APLF: variants seen among roughly 807,000 people sequenced by gnomAD.
APLF encodes the protein aprataxin and PNKP like factor, also known as aprataxin and PNK-like factor.
Under a neutral mutation model 55.6 loss-of-function variants are expected in APLF, and 61 were observed. The ratio of observed to expected loss-of-function variants is 1.10; its 90% CI spans 0.89 to 1.36. APLF has a LOEUF of 1.36. Ranked by LOEUF, APLF falls within the 40% of genes most tolerant of loss-of-function variation. APLF has a pLI of 0.00. For synonymous variants in APLF, 207 were observed against 214.8 expected (o/e 0.96, Z 0.32); for missense variants, 611 against 602.5 (o/e 1.01, Z -0.15).
At chr2:68,572,219 TTATA>T (rs1406748153) in intron 9 of APLF, among the ~76,000 whole-genome samples, 1 of 152,030 alleles carries the variant, frequency 6.6e-6, no homozygotes, top group Non-Finnish European at 1.5e-5. Flanking sequence ...GAAATGAACT[TTATA>T]TATAATAAAG....
chr2:68,479,441 C>G (rs566667586), intron 1 of APLF, among the ~76,000 whole-genome samples: 36 of 152,244 alleles, frequency 2.4e-4, no homozygotes, highest in Middle Eastern at 3.4e-3. Context: ...TGAAGGATTT[C>G]AAGGTATAGA....
chr2:68,548,125 C>T (rs1326178117), intron 8 of APLF, among the ~76,000 whole-genome samples: 3 of 151,690 alleles, frequency 2.0e-5, no homozygotes, highest in Middle Eastern at 3.4e-3. Flanking sequence ...TCTTCTCTAA[C>T]GTAATTAAAA....
At chr2:68,547,260 G>T (rs1234157139) in intron 8 of APLF, among the ~76,000 whole-genome samples, 1 of 151,686 alleles carries the variant, frequency 6.6e-6, no homozygotes, top group Non-Finnish European at 1.5e-5. Context: ...TAATTATGAA[G>T]ATCAAAATGT....
At chr2:68,541,819 G>A (rs1479773061) in intron 7 of APLF, among the ~76,000 whole-genome samples, 1 of 152,092 alleles carries the variant, frequency 6.6e-6, no homozygotes, top group East Asian at 1.9e-4. Context: ...AATCATGTGG[G>A]ATCTCAAGTA....
At chr2:68,527,920 T>G (rs1670122168) in intron 6 of APLF, among the ~76,000 whole-genome samples, 1 of 147,076 alleles carries the variant, frequency 6.8e-6, no homozygotes, top group African/African-American at 2.6e-5. Flanking sequence ...TCAGAGGCAC[T>G]CCTCACTGCC....
At chr2:68,518,927 TA>T (rs1372532102) in intron 5 of APLF, among the ~76,000 whole-genome samples, 11 of 124,532 alleles carry the variant, frequency 8.8e-5, no homozygotes, top group African/African-American at 3.5e-4. Flanking sequence ...AATATATCAT[TA>T]ATATTAATAT....
intron 7 of APLF, among the ~76,000 whole-genome samples, chr2:68,539,629 A>T (rs1279131091): frequency 6.6e-6 from 1 of 152,194 alleles, no homozygotes; most frequent in Non-Finnish European, 1.5e-5. Flanking sequence ...TGCACTTCAT[A>T]ACACAATTTA....
chr2:68,500,145 G>T, intron 2 of APLF, among the ~76,000 whole-genome samples: 1 of 152,208 alleles, frequency 6.6e-6, no homozygotes, highest in East Asian at 1.9e-4. Context: ...TGTACGTATA[G>T]CATTTTAGTT....
chr2:68,555,062 G>A (rs918226269), intron 8 of APLF, among the ~76,000 whole-genome samples: 20 of 152,096 alleles, frequency 1.3e-4, no homozygotes, highest in Non-Finnish European at 2.8e-4. Context: ...AGTGGGGAAA[G>A]GATACCCTAT....
At chr2:68,519,200 T>G (rs191925038) in intron 5 of APLF, among the ~76,000 whole-genome samples, 76 of 139,224 alleles carry the variant, frequency 5.5e-4, no homozygotes, top group African/African-American at 1.9e-3. Flanking sequence ...TTATAATATA[T>G]AAATATATAT....
rs552210698 is a variant in APLF at position 68,509,831 on chromosome 2, A to T, written c.342-3249A>T. On this transcript the variant is annotated intron_variant, in intron 3 of 9. Transcript: ENST00000303795. ...TTGGAACCAACCCAAATGTCCATCAATGATAGACTGGGTTAAGAAAATGTG... is the reference window on the plus strand; with the variant it reads ...TTGGAACCAACCCAAATGTCCATCATTGATAGACTGGGTTAAGAAAATGTG... 2.1e-3 allele frequency among the ~76,000 whole-genome samples: 324 copies of T among 152,076 alleles called. 1 individual carries two copies. The highest frequency in any genetic ancestry group is 7.3e-3 in the African/African-American group (303 of 41,502).
chr2:68,485,512 T>C (rs1031700328), intron 1 of APLF, among the ~76,000 whole-genome samples: 1 of 152,186 alleles, frequency 6.6e-6, no homozygotes, highest in African/African-American at 2.4e-5. Context: ...TCGCAGTTAA[T>C]CTACCATTTC....
chr2:68,526,469 A>G (rs2103983129), intron 6 of APLF, among the ~76,000 whole-genome samples: 1 of 152,338 alleles, frequency 6.6e-6, no homozygotes, highest in Non-Finnish European at 1.5e-5. Flanking sequence ...GCCACGGAGC[A>G]GTGGGTTCTG....
At chr2:68,536,322 G>T (rs530154587) in intron 6 of APLF, among the ~76,000 whole-genome samples, 1 of 152,168 alleles carries the variant, frequency 6.6e-6, no homozygotes, top group Non-Finnish European at 1.5e-5. Flanking sequence ...CAGTTAGTCA[G>T]TTTGGGTAGC....
chr2:68,557,962 G>T (rs1671060289), intron 8 of APLF, among the ~76,000 whole-genome samples: 1 of 151,408 alleles, frequency 6.6e-6, no homozygotes, highest in Admixed American at 6.6e-5. Flanking sequence ...ATTTTTATAG[G>T]TTCTGCATAT....
chr2:68,468,529 A>T (rs1219349871), intron 1 of APLF, among the ~76,000 whole-genome samples: 1 of 152,218 alleles, frequency 6.6e-6, no homozygotes, highest in South Asian at 2.1e-4. Context: ...ATTGAGCCAT[A>T]CATACATTAT....
At chr2:68,475,615 A>G (rs1449699505) in intron 1 of APLF, among the ~76,000 whole-genome samples, 1 of 152,182 alleles carries the variant, frequency 6.6e-6, no homozygotes, top group Non-Finnish European at 1.5e-5. Context: ...AATCAAGTCT[A>G]TTTCTTCATA....
At position 68,518,376 on chromosome 2, in the gene APLF, CTG is replaced by C. The variant is rs553975180; in HGVS notation, c.622+4698_622+4699del. Among the ~76,000 whole-genome samples the C allele has an allele frequency of 1.8e-3, 174 of 98,462 alleles. 1 individual carries two copies. The East Asian group carries it at 0.035, about 20-fold the overall frequency. The allele number at this position is 98,462 out of a possible 152,430, so 64.6% of individuals were successfully genotyped here. ...AATATAGCAATATATTAATATATGA[CTG>C]TATTATATTATTAATATATAACAAT... On this transcript the variant is annotated intron_variant, in intron 5 of 9. Coordinates refer to ENST00000303795, the MANE Select transcript of APLF (RefSeq NM_173545.3).
intron 9 of APLF, among the ~76,000 whole-genome samples, chr2:68,575,819 G>A (rs182782444): frequency 6.8e-4 from 104 of 152,258 alleles, no homozygotes; most frequent in African/African-American, 2.4e-3. Context: ...TATTCCAGGT[G>A]CCTGTAAGTC....
Sources: allele counts gnomAD v4.1 joint callset (sites outside exome capture counted in the v4.1 genomes callset), GRCh38; gene constraint gnomAD v4.1.1; transcripts MANE v1.5; gene names NCBI Gene and HGNC (gene_info 2026-07-23, HGNC 2026-07-21).